THRSP: variants seen among roughly 807,000 people sequenced by gnomAD.
THRSP encodes the protein thyroid hormone responsive.
In THRSP, 9 loss-of-function variants were observed where a neutral mutation model predicts 11.1. The ratio of observed to expected loss-of-function variants is 0.81; its 90% CI spans 0.49 to 1.42. THRSP has a LOEUF of 1.42. THRSP is among the 40% of genes most tolerant of loss of function. The pLI is 0.00. For missense variants in THRSP, 177 were observed against 188.2 expected (o/e 0.94, Z 0.35); for synonymous variants, 73 against 78.1 (o/e 0.94, Z 0.34).
At chr11:78,066,722 C>T (rs1407135254) in intron 1 of THRSP, among the ~76,000 whole-genome samples, 1 of 152,176 alleles carries the variant, frequency 6.6e-6, no homozygotes, top group Non-Finnish European at 1.5e-5. Flanking sequence ...TACGCCATAA[C>T]GTTTCAACAC....
At chr11:78,064,723 G>A (rs582389) in intron 1 of THRSP, among the ~76,000 whole-genome samples, 29,247 of 152,006 alleles carry the variant, frequency 0.19, 3,176 homozygotes, top group Middle Eastern at 0.3. Context: ...GGGGCCAGGC[G>A]CGGTGGCTCA....
intron 1 of THRSP, among the ~76,000 whole-genome samples, chr11:78,066,396 A>G (rs1043588912): frequency 6.6e-5 from 10 of 152,110 alleles, no homozygotes; most frequent in African/African-American, 2.2e-4. Flanking sequence ...TGAACTCCTG[A>G]CCTCGTGATC....
At chr11:78,065,545 T>C (rs1435980240) in intron 1 of THRSP, among the ~76,000 whole-genome samples, 2 of 152,216 alleles carry the variant, frequency 1.3e-5, no homozygotes, top group East Asian at 3.8e-4. Flanking sequence ...GTCTCATTAG[T>C]TGTAAACAAC....
intron 1 of THRSP, among the ~76,000 whole-genome samples, chr11:78,065,044 GA>G (rs1393347201): frequency 6.6e-6 from 1 of 151,402 alleles, no homozygotes; most frequent in Non-Finnish European, 1.5e-5. Context: ...TGAACATTGT[GA>G]ATTCCATTTG....
chr11:78,067,867 C>G lies in THRSP; in HGVS notation c.*228C>G, dbSNP rs914015935. 6.6e-6 allele frequency: 1 copy of G among 152,178 alleles called. No individual in the cohort carries two copies. Among genetic ancestry groups the G allele is most frequent in the East Asian group, 1.9e-4 (1 of 5,202 alleles). The allele number at this position is 152,178 out of a possible 1,614,324, so 9.4% of individuals were successfully genotyped here. ...GTCTGTTGCTATTCACTGCTCCCCT[C>G]GCTCCTCTTAACAGCTTGGGGAGGT... is the stretch of plus-strand genomic sequence containing the variant. On this transcript the variant is annotated 3_prime_UTR_variant, in exon 2 of 2. Transcript: ENST00000281030.
At chr11:78,065,145 A>T (rs769877409) in intron 1 of THRSP, among the ~76,000 whole-genome samples, 23 of 152,194 alleles carry the variant, frequency 1.5e-4, no homozygotes, top group Non-Finnish European at 2.4e-4. Context: ...GGCTGCTTGC[A>T]GTACTGCTAC....
At chr11:78,064,742 C>A (rs1288471564) in intron 1 of THRSP, among the ~76,000 whole-genome samples, 3 of 152,102 alleles carry the variant, frequency 2.0e-5, no homozygotes, top group African/African-American at 7.2e-5. Flanking sequence ...CACACCAAAG[C>A]ACTTTGGGAG....
Position 78,067,951 on chromosome 11 carries a change from G to A in THRSP, c.*312G>A, listed in dbSNP as rs561758442. ...TGTCCAGTGTGGTATGGTAGGAAGA[G>A]TGTAGGTGTTGGCACGTGACCAAAA... On this transcript the variant is annotated 3_prime_UTR_variant, in exon 2 of 2. Coordinates refer to ENST00000281030, the MANE Select transcript of THRSP (RefSeq NM_003251.4). 8 of 152,250 alleles carry A rather than the reference G, an allele frequency of 5.3e-5. No homozygotes were observed. The highest frequency in any genetic ancestry group is 1.0e-4 in the Non-Finnish European group (7 of 68,068). 9.4% of individuals were successfully genotyped at this position (152,250 alleles called of 1,614,324 possible).
intron 1 of THRSP, among the ~76,000 whole-genome samples, chr11:78,065,680 T>C (rs1858716692): frequency 6.6e-6 from 1 of 152,190 alleles, no homozygotes; most frequent in Admixed American, 6.5e-5. Context: ...AGTCACACAG[T>C]AAGGAGACAA....
Position 78,064,203 on chromosome 11 carries a change from G to C in THRSP, c.322G>C (p.Asp108His). 1.9e-6 allele frequency: 3 copies of C among 1,614,150 alleles called. No individual in the cohort carries two copies. Among genetic ancestry groups the C allele is most frequent in the Non-Finnish European group, 2.5e-6 (3 of 1,180,018 alleles). ...GGACGAGAGTGCCTCAGGAGAGCTG[G>C]ACCTGGAAGCCCAGTTCCACCTGCA... ...VEDESASGEL[D>H]LEAQFHLHFS... Residue 108 changes from aspartate to histidine, a missense_variant, in exon 1 of 2, where the codon GAC (aspartate) becomes CAC (histidine). Transcript: ENST00000281030.
At chr11:78,066,454 C>T (rs998372200) in intron 1 of THRSP, among the ~76,000 whole-genome samples, 3 of 152,200 alleles carry the variant, frequency 2.0e-5, no homozygotes, top group Non-Finnish European at 2.9e-5. Context: ...CATGAGCCAC[C>T]GCGCCCAGCC....
chr11:78,067,227 G>A (rs552610022), intron 1 of THRSP, among the ~76,000 whole-genome samples: 1 of 148,610 alleles, frequency 6.7e-6, no homozygotes, highest in East Asian at 2.0e-4. Context: ...ATTCAAGCAA[G>A]TCTCCTGCCT....
chr11:78,064,715 G>T (rs1353721873), intron 1 of THRSP, among the ~76,000 whole-genome samples: 3 of 152,056 alleles, frequency 2.0e-5, no homozygotes, highest in Non-Finnish European at 4.4e-5. Context: ...ATTGAAGAGG[G>T]GCCAGGCGCG....
chr11:78,066,674 GACTC>G (rs1212474499), intron 1 of THRSP, among the ~76,000 whole-genome samples: 2 of 152,122 alleles, frequency 1.3e-5, no homozygotes, highest in African/African-American at 4.8e-5. Flanking sequence ...ACCACACTCT[GACTC>G]ACTCAGTTGC....
chr11:78,066,225 A>G (rs1039406311), intron 1 of THRSP, among the ~76,000 whole-genome samples: 1 of 152,036 alleles, frequency 6.6e-6, no homozygotes, highest in South Asian at 2.1e-4. Context: ...TTGGAGTGCA[A>G]TGTGCAATCT....
At chr11:78,064,738 A>G (rs568107830) in intron 1 of THRSP, among the ~76,000 whole-genome samples, 231 of 152,218 alleles carry the variant, frequency 1.5e-3, no homozygotes, top group Non-Finnish European at 2.0e-3. Context: ...GGCTCACACC[A>G]AAGCACTTTG....
At position 78,064,065 on chromosome 11, in the gene THRSP, A is replaced by G. The variant is rs770882680; in HGVS notation, c.184A>G (p.Met62Val). ...EAPDLYTYFT[M>V]LKAICVDVDH... ...CCCTGATCTCTACACCTACTTCACC[A>G]TGCTCAAGGCCATCTGTGTGGATGT... The change falls in exon 1 of 2, where the codon ATG (methionine) becomes GTG (valine). Residue 62 changes from methionine (M) to valine (V), a missense_variant. Met to Val is a conservative substitution (Grantham distance 21). Coordinates refer to ENST00000281030, the MANE Select transcript of THRSP (RefSeq NM_003251.4). 3 of 1,614,058 alleles carry G rather than the reference A, an allele frequency of 1.9e-6. No individual in the cohort carries two copies. Among genetic ancestry groups the G allele is most frequent in the Non-Finnish European group, 2.5e-6 (3 of 1,180,036 alleles).
Position 78,064,189 on chromosome 11 carries a change from C to T in THRSP, c.308C>T (p.Ala103Val), listed in dbSNP as rs1234457086. 6.2e-7 allele frequency: 1 copy of T among 1,614,090 alleles called. No individual in the cohort carries two copies. Among genetic ancestry groups the T allele is most frequent in the Non-Finnish European group, 8.5e-7 (1 of 1,180,006 alleles). Residue 103 changes from alanine to valine, a missense_variant, in exon 1 of 2, where the codon GCC becomes GTC. Transcript: ENST00000281030. ...AETEEVEDES[A>V]SGELDLEAQF... The stretch of plus-strand genomic sequence containing the variant: ...ACAGAGGAAGTCGAGGACGAGAGTG[C>T]CTCAGGAGAGCTGGACCTGGAAGCC...
chr11:78,068,080 T>G lies in THRSP; in HGVS notation c.*441T>G, dbSNP rs1427722046. On this transcript the variant is annotated 3_prime_UTR_variant, in exon 2 of 2. Transcript: ENST00000281030. ...CATCTATAAAATGGGGATAATATTA[T>G]CTACCTCACAAGCTTATGAAAACTA... 6.6e-6 allele frequency: 1 copy of G among 152,192 alleles called. No homozygotes were observed. Among genetic ancestry groups the G allele is most frequent in the Non-Finnish European group, 1.5e-5 (1 of 68,042 alleles). 9.4% of individuals were successfully genotyped at this position (152,192 alleles called of 1,614,324 possible). A position where few individuals can be genotyped will look rare whatever the true frequency, so the allele number is the denominator to read the frequency against.
Sources: gnomAD v4.1 joint callset for allele counts (sites outside exome capture counted in the v4.1 genomes callset) on GRCh38, gnomAD v4.1.1 for gene constraint, MANE v1.5 for transcripts, NCBI Gene and HGNC (gene_info 2026-07-23, HGNC 2026-07-21) for gene names.